SUGCT: variants seen among roughly 807,000 people sequenced by gnomAD.
SUGCT encodes the protein succinyl-CoA:glutarate-CoA transferase.
SUGCT carries 41 observed loss-of-function variants against 55.0 expected under a neutral mutation model. The ratio of observed to expected loss-of-function variants is 0.74; its 90% CI spans 0.58 to 0.97. The LOEUF (loss-of-function observed/expected upper bound fraction) is 0.97, where lower values mean the gene tolerates loss of function less well. Among genes scored for constraint, SUGCT ranks in the 50% least tolerant of loss-of-function variants. SUGCT has a pLI of 0.00. For synonymous variants in SUGCT, 187 were observed against 200.4 expected (o/e 0.93, Z 0.56); for missense variants, 568 against 547.8 (o/e 1.04, Z -0.37).
chr7:40,448,910 G>GT (rs1000552695), intron 9 of SUGCT, among the ~76,000 whole-genome samples: 5 of 148,210 alleles, frequency 3.4e-5, no homozygotes, highest in Non-Finnish European at 7.4e-5. Context: ...ACATATGTGT[G>GT]TGTGTGTGTA....
At chr7:40,517,028 A>G (rs1793273212) in intron 12 of SUGCT, among the ~76,000 whole-genome samples, 1 of 151,974 alleles carries the variant, frequency 6.6e-6, no homozygotes, top group Non-Finnish European at 1.5e-5. Context: ...AATTTTTAGT[A>G]AGTAAGTCTT....
intron 9 of SUGCT, among the ~76,000 whole-genome samples, chr7:40,379,288 G>C (rs1214520728): frequency 2.0e-5 from 3 of 152,196 alleles, no homozygotes; most frequent in African/African-American, 4.8e-5. Flanking sequence ...TAGTTAGTCT[G>C]TGATAGTTTG....
the SUGCT span, among the ~76,000 whole-genome samples, chr7:40,961,784 A>T: frequency 6.6e-6 from 1 of 151,814 alleles, no homozygotes; most frequent in Non-Finnish European, 1.5e-5. Flanking sequence ...AAAGCTGCAG[A>T]CCTTCACAGT....
chr7:40,495,198 C>A (rs1051216784), intron 11 of SUGCT, among the ~76,000 whole-genome samples: 1 of 151,506 alleles, frequency 6.6e-6, no homozygotes, highest in Non-Finnish European at 1.5e-5. Context: ...AGGTGTGAGC[C>A]ACCACGCCCG....
At chr7:40,335,024 T>G (rs1280012465) in intron 9 of SUGCT, among the ~76,000 whole-genome samples, 1 of 152,120 alleles carries the variant, frequency 6.6e-6, no homozygotes, top group Non-Finnish European at 1.5e-5. Context: ...TTTCCCCATT[T>G]CTTGTTTTTC....
intron 1 of SUGCT, among the ~76,000 whole-genome samples, chr7:40,142,494 A>G (rs1189775567): frequency 1.3e-5 from 2 of 152,280 alleles, no homozygotes; most frequent in South Asian, 2.1e-4. Flanking sequence ...TGCTGTTTTT[A>G]TGAGCCTCTG....
rs184693916 is a variant in SUGCT, at chr7:40,562,458, G to A, written c.1089+66072G>A. 1.8e-4 allele frequency among the ~76,000 whole-genome samples: 27 copies of A among 152,208 alleles called. 1 individual carries two copies. The highest frequency in any genetic ancestry group is 1.6e-3 in the Admixed American group (24 of 15,288). ...GTTTCTTCAGTGGGGTTCGAGACAGGCCATAAGGTGTAGATCTAATGTATT... is the reference window on the plus strand; with the variant it reads ...GTTTCTTCAGTGGGGTTCGAGACAGACCATAAGGTGTAGATCTAATGTATT... On this transcript the variant is annotated intron_variant, in intron 12 of 13. Coordinates refer to ENST00000335693, the MANE Select transcript of SUGCT (RefSeq NM_001193313.2).
chr7:40,879,070 G>T, the SUGCT span, among the ~76,000 whole-genome samples: 1 of 152,110 alleles, frequency 6.6e-6, no homozygotes, highest in Admixed American at 6.6e-5. Flanking sequence ...GGGATTACAG[G>T]CATGAACCAC....
chr7:40,500,635 G>A (rs991144711), intron 12 of SUGCT, among the ~76,000 whole-genome samples: 4 of 152,158 alleles, frequency 2.6e-5, no homozygotes, highest in African/African-American at 9.7e-5. Context: ...TGAAATATTT[G>A]ATGGCTGAAA....
intron 9 of SUGCT, among the ~76,000 whole-genome samples, chr7:40,359,503 C>A (rs949829347): frequency 6.6e-6 from 1 of 152,120 alleles, no homozygotes; most frequent in Non-Finnish European, 1.5e-5. Context: ...CTGTGCCTGG[C>A]CTGTTCTGTC....
chr7:40,329,830 A>T (rs992902523), intron 9 of SUGCT, among the ~76,000 whole-genome samples: 31 of 152,168 alleles, frequency 2.0e-4, no homozygotes, highest in Non-Finnish European at 1.2e-4. Context: ...TCATATTATT[A>T]TTAGATGATT....
At chr7:40,329,739 G>T (rs1167854859) in intron 9 of SUGCT, among the ~76,000 whole-genome samples, 1 of 152,084 alleles carries the variant, frequency 6.6e-6, no homozygotes, top group Non-Finnish European at 1.5e-5. Flanking sequence ...ATTCTAATAT[G>T]AGTCCACTAG....
the SUGCT span, among the ~76,000 whole-genome samples, chr7:40,909,919 C>T: frequency 1.3e-5 from 2 of 152,100 alleles, no homozygotes; most frequent in African/African-American, 4.8e-5. Context: ...CCAAGGGCAT[C>T]TTCCAGGAAA....
intron 9 of SUGCT, among the ~76,000 whole-genome samples, chr7:40,435,116 C>T (rs2151393464): frequency 6.6e-6 from 1 of 152,216 alleles, no homozygotes; most frequent in Non-Finnish European, 1.5e-5. Flanking sequence ...AGTGTATATC[C>T]TATTACTTGG....
chr7:40,827,694 C>T (rs1263735034), intron 13 of SUGCT, among the ~76,000 whole-genome samples: 1 of 152,180 alleles, frequency 6.6e-6, no homozygotes, highest in East Asian at 1.9e-4. Flanking sequence ...GGCCAGGATA[C>T]TTGATCTGCA....
chr7:40,646,191 C>A (rs1584198723), intron 12 of SUGCT, among the ~76,000 whole-genome samples: 1 of 152,134 alleles, frequency 6.6e-6, no homozygotes, highest in African/African-American at 2.4e-5. Context: ...TTATGGCTTT[C>A]CCAACATAAA....
chr7:40,428,389 G>A (rs988586529), intron 9 of SUGCT, among the ~76,000 whole-genome samples: 3 of 152,178 alleles, frequency 2.0e-5, no homozygotes, highest in East Asian at 3.9e-4. Flanking sequence ...TTACCAATAG[G>A]GAAGGACTTA....
intron 6 of SUGCT, among the ~76,000 whole-genome samples, chr7:40,228,250 T>C (rs1371634206): frequency 6.6e-6 from 1 of 152,144 alleles, no homozygotes; most frequent in Non-Finnish European, 1.5e-5. Flanking sequence ...TTCAGATTTT[T>C]CCCAATTCTC....
At chr7:40,816,218 G>T (rs556105754) in intron 13 of SUGCT, among the ~76,000 whole-genome samples, 2 of 152,326 alleles carry the variant, frequency 1.3e-5, no homozygotes, top group African/African-American at 4.8e-5. Context: ...TCCAGCCTCT[G>T]GTCCAAGACT....
Sources: allele counts gnomAD v4.1 joint callset (sites outside exome capture counted in the v4.1 genomes callset), GRCh38; gene constraint gnomAD v4.1.1; transcripts MANE v1.5; gene names NCBI Gene and HGNC (gene_info 2026-07-23, HGNC 2026-07-21).